The following TPM2 variants were observed in gnomAD, a reference collection of about 807,000 sequenced individuals.
TPM2 encodes the protein tropomyosin 2.
Under a neutral mutation model 41.0 loss-of-function variants are expected in TPM2, and 26 were observed. The ratio of observed to expected loss-of-function variants is 0.63; its 90% CI spans 0.46 to 0.88. The LOEUF is 0.88. TPM2 is among the 40% of genes least tolerant of loss of function. The pLI is 0.00. For synonymous variants in TPM2, 143 were observed against 139.3 expected (o/e 1.03, Z -0.19); for missense variants, 187 against 355.2 (o/e 0.53, Z 3.81).
In TPM2 at chr9:35,689,911, G is replaced by C. The variant is rs1009797091; in HGVS notation, c.-94C>G. 24 of 1,601,710 alleles carry C rather than the reference G, an allele frequency of 1.5e-5. No individual in the cohort carries two copies. The African/African-American group carries it at 3.2e-4, about 21-fold the overall frequency. On this transcript the variant is annotated 5_prime_UTR_variant, in exon 1 of 9. Transcript: ENST00000645482. ...TGGGTGCACCGGTGGCAGGCGAGGA[G>C]GACGGAGCGGGACTGGGACGTCCCG...
In TPM2 at chr9:35,683,242, C is replaced by G; in HGVS notation, c.773-1G>C. On this transcript the variant is annotated splice_acceptor_variant, in intron 8 of 8. Transcript: ENST00000645482. LOFTEE classifies it high-confidence loss of function. ...TTCATCTTCTGGGCATAGACTTCAT[C>G]TGGGGGGGGTCCAGGGAGGGGACCA... The G allele has an allele frequency of 1.4e-6, 2 of 1,458,000 alleles. No homozygotes were observed. Among genetic ancestry groups the G allele is most frequent in the Non-Finnish European group, 1.9e-6 (2 of 1,075,526 alleles). The allele number at this position is 1,458,000 out of a possible 1,614,324, so 90.3% of individuals were successfully genotyped here.
downstream of TPM2, chr9:35,682,746 G>A: frequency 7.6e-7 from 1 of 1,319,092 alleles, no homozygotes; most frequent in Non-Finnish European, 1.0e-6. Flanking sequence ...ACATGCAGTG[G>A]TGAATCAGAG....
chr9:35,689,982 C>T, upstream of TPM2: 1 of 1,491,342 alleles, frequency 6.7e-7, no homozygotes, highest in African/African-American at 1.4e-5. Flanking sequence ...GCGGGGCCGG[C>T]AACCAGGACC....
Position 35,684,726 on chromosome 9 carries a change from C to G in TPM2, c.639+6G>C, listed in dbSNP as rs1407467416. 3 of 1,614,150 alleles carry G rather than the reference C, an allele frequency of 1.9e-6. No individual in the cohort carries two copies. The highest frequency in any genetic ancestry group is 1.7e-5 in the Admixed American group (1 of 60,020). On this transcript the variant is annotated splice_donor_region_variant and intron_variant, in intron 6 of 8. Coordinates refer to ENST00000645482, the MANE Select transcript of TPM2 (RefSeq NM_003289.4). ...CCATCCTCACTGCCCCTCTGCTCCC[C>G]TCTACCTTGTCCGCCTGGGCCTCCA... is the stretch of plus-strand genomic sequence containing the variant.
chr9:35,689,165 GC>G lies in TPM2; in HGVS notation c.220del (p.Ala74ProfsTer15). On this transcript the variant is annotated frameshift_variant, in exon 2 of 9. Coordinates refer to ENST00000645482, the MANE Select transcript of TPM2 (RefSeq NM_003289.4). LOFTEE classifies it high-confidence loss of function. Reference protein sequence around the residue: ...VKEAQEKLEQAEKKATDAEAD... With the variant: ...VKEAQEKLEQXEKKATDAEAD... ...ACTCACATCAGTGGCCTTCTTCTCG[GC>G]CTGCTCCAGTTTCTCCTGGGCCTCC... The G allele has an allele frequency of 2.5e-6, 4 of 1,614,140 alleles. No homozygotes were observed. The highest frequency in any genetic ancestry group is 2.5e-6 in the Non-Finnish European group (3 of 1,180,034).
At position 35,685,651 on chromosome 9, in the gene TPM2, C is replaced by G; in HGVS notation, c.370G>C (p.Glu124Gln). The stretch of plus-strand genomic sequence containing the variant: ...CTCCCCGAGGCCCCTGACCACCTCT[C>G]GCTCTCATCAGCCGCCTTCTCGGCC... ...EEAEKAADES[E>Q]RGMKVIENRA... The change falls in exon 3 of 9, where the codon GAG becomes CAG. Residue 124 changes from glutamate (E) to glutamine (Q), a missense_variant. By Grantham distance (29) the Glu-to-Gln change is conservative. Coordinates refer to ENST00000645482, the MANE Select transcript of TPM2 (RefSeq NM_003289.4). The surrounding 1 kb of genome is among the most constrained non-coding windows in gnomAD (Gnocchi z 5.0). 6.2e-7 allele frequency: 1 copy of G among 1,614,152 alleles called. No individual in the cohort carries two copies. The highest frequency in any genetic ancestry group is 8.5e-7 in the Non-Finnish European group (1 of 1,180,040).
rs765523715 is a variant in TPM2 at position 35,684,791 on chromosome 9, C to G, written c.580G>C (p.Glu194Gln). ...TTGGTAACAATTTTCAGCTCCTCCTCTAGGTCCCCACATTTACTGCAGGGG... is the reference window on the plus strand; with the variant it reads ...TTGGTAACAATTTTCAGCTCCTCCTGTAGGTCCCCACATTTACTGCAGGGG... ...EVAESKCGDL[E>Q]EELKIVTNNL... Residue 194 changes from glutamate to glutamine, a missense_variant, in exon 6 of 9, where the codon GAG (glutamate) becomes CAG (glutamine). Physicochemically the swap from Glu to Gln is conservative, Grantham distance 29. Transcript: ENST00000645482. The G allele has an allele frequency of 6.2e-7, 1 of 1,611,138 alleles. No homozygotes were observed. The highest frequency in any genetic ancestry group is 1.1e-5 in the South Asian group (1 of 90,912).
downstream of TPM2, chr9:35,682,035 T>C (rs374663990): frequency 3.8e-6 from 6 of 1,596,840 alleles, no homozygotes; most frequent in Non-Finnish European, 2.6e-6. Context: ...TCAGTTTTAT[T>C]GGGTTGGGGT....
At position 35,689,088 on chromosome 9, in the gene TPM2, C is replaced by CG. The variant is rs374052503; in HGVS notation, c.240+57dup. 224 of 1,606,094 alleles carry CG rather than the reference C, an allele frequency of 1.4e-4. 1 individual carries two copies. The African/African-American group carries it at 2.2e-3, about 16-fold the overall frequency. ...GCCCCAATCCTCTTATTCCCATACCCGGGGGGCCCCTTCCCAGAGCCCTAA... is the reference window on the plus strand; with the variant it reads ...GCCCCAATCCTCTTATTCCCATACCCGGGGGGGCCCCTTCCCAGAGCCCTAA... On this transcript the variant is annotated intron_variant, in intron 2 of 8. Coordinates refer to ENST00000645482, the MANE Select transcript of TPM2 (RefSeq NM_003289.4).
intron 2 of TPM2, among the ~76,000 whole-genome samples, chr9:35,686,980 A>C (rs754920461): frequency 3.9e-5 from 6 of 152,264 alleles, no homozygotes; most frequent in Non-Finnish European, 5.9e-5. Flanking sequence ...ATCGGCTCTG[A>C]GTCAGATTGT....
rs1285159678 is a variant in TPM2 at position 35,685,060 on chromosome 9, C to G, written c.563+209G>C. ...TGCCCAGAAAGGTTCAGAGGGGTCA[C>G]TACCTCCTCCTCTGAGGCCATCAGG... On this transcript the variant is annotated intron_variant, in intron 5 of 8. Coordinates refer to ENST00000645482, the MANE Select transcript of TPM2 (RefSeq NM_003289.4). The surrounding 1 kb of genome is among the most constrained non-coding windows in gnomAD (Gnocchi z 5.0). 8 of 1,614,092 alleles carry G rather than the reference C, an allele frequency of 5.0e-6. No homozygotes were observed. The Admixed American group carries it at 1.0e-4, about 20-fold the overall frequency.
At chr9:35,684,883 G>GGAC (rs1034063784) in intron 5 of TPM2, 76 bp from the exon 6 acceptor site, 2 of 1,613,406 alleles carry the variant, frequency 1.2e-6, no homozygotes, top group African/African-American at 1.3e-5. Context: ...GCACAGCAGG[G>GGAC]GACGGGTGGA....
chr9:35,689,659 G>T, intron 1 of TPM2, 45 bp downstream of exon 1: 1 of 1,607,422 alleles, frequency 6.2e-7, no homozygotes. Context: ...GCCCACCCTT[G>T]CCCTAGGCGC....
chr9:35,682,377 T>C, downstream of TPM2: 2 of 1,008,592 alleles, frequency 2.0e-6, no homozygotes, highest in Middle Eastern at 3.2e-4. Context: ...GGCCTTGGGG[T>C]CATAGAGGTG....
chr9:35,689,649 G>A, intron 1 of TPM2, 55 bp downstream of exon 1: 1 of 1,604,578 alleles, frequency 6.2e-7, no homozygotes. Context: ...CATGGCAGCG[G>A]CCCACCCTTG....
Position 35,689,160 on chromosome 9 carries a change from T to C in TPM2, c.226A>G (p.Lys76Glu), listed in dbSNP as rs771031283. Residue 76 changes from lysine (K) to glutamate (E), a missense_variant, in exon 2 of 9, where the codon AAG becomes GAG. Transcript: ENST00000645482. ...TCCACACTCACATCAGTGGCCTTCT[T>C]CTCGGCCTGCTCCAGTTTCTCCTGG... ...EAQEKLEQAE[K>E]KATDAEADVA... 2 of 1,614,072 alleles carry C rather than the reference T, an allele frequency of 1.2e-6. No individual in the cohort carries two copies. Among genetic ancestry groups the C allele is most frequent in the Admixed American group, 1.7e-5 (1 of 60,006 alleles).
In TPM2 at chr9:35,689,835, G is replaced by C. The variant is rs1209166405; in HGVS notation, c.-18C>G. On this transcript the variant is annotated 5_prime_UTR_variant, in exon 1 of 9. Coordinates refer to ENST00000645482, the MANE Select transcript of TPM2 (RefSeq NM_003289.4). ...GCGTCCATGGCTGCGGTGGGGGGTG[G>C]GCCGGCCGGCAGGCGGTGAGGACCG... 5.0e-6 allele frequency: 8 copies of C among 1,613,220 alleles called. No homozygotes were observed. The highest frequency in any genetic ancestry group is 1.1e-5 in the South Asian group (1 of 91,070).
rs1339728178 is a variant in TPM2 at position 35,689,727 on chromosome 9, G to C, written c.91C>G (p.Gln31Glu). 6.2e-7 allele frequency: 1 copy of C among 1,613,702 alleles called. No individual in the cohort carries two copies. The highest frequency in any genetic ancestry group is 1.1e-5 in the South Asian group (1 of 91,082). ...RAEQAEADKK[Q>E]AEDRCKQLEE... ...ACCTGCTTGCAGCGGTCCTCAGCTT[G>C]CTTCTTGTCGGCTTCGGCCTGCTCG... Residue 31 changes from glutamine to glutamate, a missense_variant, in exon 1 of 9, where the codon CAA becomes GAA. Transcript: ENST00000645482.
intron 2 of TPM2, among the ~76,000 whole-genome samples, chr9:35,688,096 C>CT (rs1275822255): frequency 6.6e-6 from 1 of 152,094 alleles, no homozygotes; most frequent in Non-Finnish European, 1.5e-5. Flanking sequence ...GGTTTCCAAT[C>CT]TTGCCTCCAG....
Sources: allele counts gnomAD v4.1 joint callset (sites outside exome capture counted in the v4.1 genomes callset), GRCh38; gene constraint gnomAD v4.1.1; non-coding constraint Gnocchi (gnomAD v3.1); transcripts MANE v1.5; gene names NCBI Gene and HGNC (gene_info 2026-07-23, HGNC 2026-07-21).